NBAS: variants seen among roughly 807,000 people sequenced by gnomAD.
NBAS encodes NBAS subunit of NRZ tethering complex.
In NBAS, 219 loss-of-function variants were observed where a neutral mutation model predicts 302.5. The observed-to-expected ratio is 0.72, with a 90% confidence interval of 0.65 to 0.81. The LOEUF is 0.81. Among genes scored for constraint, NBAS ranks in the 30% least tolerant of loss-of-function variants. The pLI, the probability that NBAS is intolerant of heterozygous loss-of-function variation, is 0.00. For missense variants in NBAS, 2,932 were observed against 2,841.6 expected, an observed-to-expected ratio of 1.03 and a Z score of -0.72; for synonymous variants, 1,118 against 1,021.6, an observed-to-expected ratio of 1.09 and a Z score of -1.80.
At chr2:15,213,929 T>C (rs543082026) in intron 48 of NBAS, among the ~76,000 whole-genome samples, 1 of 152,328 alleles carries the variant, frequency 6.6e-6, no homozygotes, top group Admixed American at 6.5e-5. Context: ...CTCTTGCTCA[T>C]ATTGGGACAA....
chr2:15,507,844 A>G (rs901770343), intron 10 of NBAS, among the ~76,000 whole-genome samples: 13 of 152,132 alleles, frequency 8.5e-5, no homozygotes, highest in African/African-American at 2.9e-4. Flanking sequence ...CATAGATGAC[A>G]CTAACATTAA....
the NBAS span, among the ~76,000 whole-genome samples, chr2:14,891,013 T>G: frequency 1.3e-5 from 2 of 152,064 alleles, no homozygotes; most frequent in African/African-American, 4.8e-5. Flanking sequence ...TCTATAAAAA[T>G]TACCACCTTC....
At chr2:15,311,740 C>G (rs576593091) in intron 38 of NBAS, among the ~76,000 whole-genome samples, 1 of 152,264 alleles carries the variant, frequency 6.6e-6, no homozygotes, top group African/African-American at 2.4e-5. Context: ...AACCTCTCTA[C>G]GGAAGAAGTT....
the NBAS span, among the ~76,000 whole-genome samples, chr2:14,899,447 G>A: frequency 6.6e-6 from 1 of 152,206 alleles, no homozygotes; most frequent in African/African-American, 2.4e-5. Flanking sequence ...AAATGAAGAA[G>A]GGTTAAATTT....
intron 12 of NBAS, among the ~76,000 whole-genome samples, chr2:15,479,298 T>A (rs1479067837): frequency 6.6e-6 from 1 of 152,196 alleles, no homozygotes; most frequent in Admixed American, 6.5e-5. Flanking sequence ...TAAGAAACGA[T>A]GACTAAGTTT....
Position 15,247,479 on chromosome 2 carries a change from T to C in NBAS, c.5725-8793A>G, listed in dbSNP as rs554558917. Among the ~76,000 whole-genome samples the C allele has an allele frequency of 2.0e-3, 310 of 152,142 alleles. 1 individual carries two copies. Among genetic ancestry groups the C allele is most frequent in the Non-Finnish European group, 1.9e-3 (130 of 68,002 alleles). On this transcript the variant is annotated intron_variant, in intron 44 of 51. Coordinates refer to ENST00000281513, the MANE Select transcript of NBAS (RefSeq NM_015909.4). The stretch of plus-strand genomic sequence containing the variant: ...AGTCAAGAGCCATCGGTGTGCTCTA[T>C]TCAGGAGACCATTCAGGCTCAAAAT...
intron 38 of NBAS, among the ~76,000 whole-genome samples, chr2:15,324,394 G>C (rs1339150517): frequency 1.3e-5 from 2 of 152,112 alleles, no homozygotes; most frequent in East Asian, 1.9e-4. Flanking sequence ...GACAAATCAT[G>C]AAGTTTTAAA....
chr2:14,813,348 T>C, the NBAS span, among the ~76,000 whole-genome samples: 1 of 152,278 alleles, frequency 6.6e-6, no homozygotes, highest in South Asian at 2.1e-4. Context: ...TTGGCCAAAA[T>C]ACTGATAGTG....
the NBAS span, among the ~76,000 whole-genome samples, chr2:15,054,486 G>A: frequency 4.6e-5 from 7 of 152,238 alleles, no homozygotes; most frequent in Non-Finnish European, 7.4e-5. Flanking sequence ...TCTCATGCCC[G>A]CTTTCCAGTT....
intron 21 of NBAS, among the ~76,000 whole-genome samples, chr2:15,447,456 G>A (rs1206875177): frequency 2.0e-5 from 3 of 152,150 alleles, no homozygotes; most frequent in Admixed American, 2.0e-4. Context: ...AAAAGCTAAT[G>A]TGCTGTGTTA....
chr2:14,899,759 G>A, the NBAS span, among the ~76,000 whole-genome samples: 2 of 147,644 alleles, frequency 1.4e-5, no homozygotes, highest in Non-Finnish European at 3.0e-5. Flanking sequence ...TTTTTTCCCA[G>A]CCTCAGGTAT....
the NBAS span, among the ~76,000 whole-genome samples, chr2:15,161,565 C>T: frequency 6.6e-6 from 1 of 152,174 alleles, no homozygotes; most frequent in African/African-American, 2.4e-5. Flanking sequence ...CACCCCTTTT[C>T]TAAGGGAGAA....
At chr2:15,169,176 G>A (rs1664173467) in intron 51 of NBAS, among the ~76,000 whole-genome samples, 1 of 152,146 alleles carries the variant, frequency 6.6e-6, no homozygotes, top group African/African-American at 2.4e-5. Flanking sequence ...CAAACCCTCA[G>A]TGTCTTTTCT....
At chr2:15,026,691 T>C in the NBAS span, among the ~76,000 whole-genome samples, 1 of 152,148 alleles carries the variant, frequency 6.6e-6, no homozygotes, top group Non-Finnish European at 1.5e-5. Context: ...TATATTCTTA[T>C]ATAGCTTTTG....
chr2:15,264,700 A>C (rs182025323), intron 44 of NBAS, among the ~76,000 whole-genome samples: 3 of 152,294 alleles, frequency 2.0e-5, no homozygotes, highest in African/African-American at 7.2e-5. Flanking sequence ...GCAGTTATCT[A>C]ACTTCCTTGG....
the NBAS span, among the ~76,000 whole-genome samples, chr2:15,043,141 C>T: frequency 1.3e-5 from 2 of 152,170 alleles, no homozygotes; most frequent in African/African-American, 4.8e-5. Flanking sequence ...CTCGCTTAGT[C>T]ACTGGGTCAT....
At chr2:15,046,476 G>A in the NBAS span, among the ~76,000 whole-genome samples, 1 of 152,196 alleles carries the variant, frequency 6.6e-6, no homozygotes, top group South Asian at 2.1e-4. Context: ...CACAAACTTT[G>A]AACACTACTC....
intron 37 of NBAS, 94 bp downstream of exon 37, chr2:15,328,105 A>G: frequency 1.5e-6 from 2 of 1,308,698 alleles, no homozygotes; most frequent in Non-Finnish European, 2.2e-6. Flanking sequence ...AACCAAGACA[A>G]ATAAGTATAT....
At chr2:14,951,924 T>G in the NBAS span, among the ~76,000 whole-genome samples, 2 of 152,212 alleles carry the variant, frequency 1.3e-5, no homozygotes, top group African/African-American at 4.8e-5. Context: ...TCCTCCGATT[T>G]TCACATATTC....
Sources: gnomAD v4.1 joint callset for allele counts (sites outside exome capture counted in the v4.1 genomes callset) on GRCh38, gnomAD v4.1.1 for gene constraint, MANE v1.5 for transcripts, NCBI Gene and HGNC (gene_info 2026-07-23, HGNC 2026-07-21) for gene names.